Variants in CIT observed in about 807,000 individuals in gnomAD.
CIT encodes citron Rho-interacting kinase.
A neutral mutation model predicts 272.7 loss-of-function variants in CIT; 79 were observed. The observed-to-expected ratio is 0.29, with a 90% confidence interval of 0.24 to 0.35. The LOEUF is 0.35. Ranked by LOEUF, CIT falls within the 10% of genes least tolerant of loss-of-function variation. CIT has a pLI of 1.00. For synonymous variants in CIT, 948 were observed against 995.6 expected (o/e 0.95, Z 0.90); for missense variants, 1,909 against 2,618.3 (o/e 0.73, Z 5.91).
At chr12:119,775,501 C>T (rs1315512340) in intron 16 of CIT, among the ~76,000 whole-genome samples, 1 of 152,130 alleles carries the variant, frequency 6.6e-6, no homozygotes. Flanking sequence ...CCCCCTGAGG[C>T]GAGAGATGCA....
intron 4 of CIT, 75 bp downstream of exon 4, chr12:119,857,448 T>C (rs964984432): frequency 2.0e-6 from 3 of 1,469,828 alleles, no homozygotes; most frequent in Non-Finnish European, 2.8e-6. Context: ...TAGACGCCAG[T>C]GCAGCAGATT....
At chr12:119,843,872 G>T (rs1483367817) in intron 5 of CIT, among the ~76,000 whole-genome samples, 2 of 152,054 alleles carry the variant, frequency 1.3e-5, no homozygotes, top group South Asian at 2.1e-4. Flanking sequence ...AACTTCAAAG[G>T]TTTGTTGATG....
intron 5 of CIT, among the ~76,000 whole-genome samples, chr12:119,847,208 T>TCTCCTGAC: frequency 6.6e-6 from 1 of 152,260 alleles, no homozygotes; most frequent in Admixed American, 6.5e-5. Context: ...ATGGTCTCGA[T>TCTCCTGAC]CTCCTGACCT....
intron 3 of CIT, among the ~76,000 whole-genome samples, chr12:119,863,638 T>C (rs1234430906): frequency 1.3e-5 from 2 of 151,934 alleles, no homozygotes; most frequent in East Asian, 1.9e-4. Flanking sequence ...GCAATTCTCC[T>C]GCCTCAGCCT....
chr12:119,845,810 C>T (rs574412675), intron 5 of CIT, among the ~76,000 whole-genome samples: 5 of 151,594 alleles, frequency 3.3e-5, no homozygotes, highest in African/African-American at 1.2e-4. Context: ...ATGAGCCGGG[C>T]GTGGTGTCAC....
At chr12:119,853,063 G>C (rs903232064) in intron 4 of CIT, among the ~76,000 whole-genome samples, 1 of 151,822 alleles carries the variant, frequency 6.6e-6, no homozygotes, top group African/African-American at 2.4e-5. Flanking sequence ...CTATAAATTT[G>C]TGATTGTAAT....
intron 40 of CIT, 66 bp from the exon 41 acceptor site, chr12:119,704,521 G>A (rs1471910561): frequency 7.1e-7 from 1 of 1,400,622 alleles, no homozygotes; most frequent in Admixed American, 1.7e-5. Flanking sequence ...GGCAAAACTA[G>A]GAAAAGCTCT....
chr12:119,760,926 T>G lies in CIT; in HGVS notation c.2421+13A>C. 1 of 1,570,156 alleles carries G rather than the reference T, an allele frequency of 6.4e-7. No homozygotes were observed. The highest frequency in any genetic ancestry group is 8.8e-7 in the Non-Finnish European group (1 of 1,139,910). On this transcript the variant is annotated intron_variant, in intron 20 of 47. Transcript: ENST00000392521. ...CTCCTTTGAACACTGGCTTGGCAAC[T>G]CCTTCTACCTACCGCCTTCTGTTCG... is the stretch of plus-strand genomic sequence containing the variant.
chr12:119,834,724 C>G (rs889907216), intron 5 of CIT, among the ~76,000 whole-genome samples: 1 of 152,184 alleles, frequency 6.6e-6, no homozygotes, highest in Non-Finnish European at 1.5e-5. Flanking sequence ...GTGAAAATAT[C>G]CCCTTTGACC....
Position 119,784,798 on chromosome 12 carries a change from C to T in CIT, c.1401+162G>A. On this transcript the variant is annotated intron_variant, in intron 11 of 47. Coordinates refer to ENST00000392521, the MANE Select transcript of CIT (RefSeq NM_001206999.2). The surrounding 1 kb of genome is among the most constrained non-coding windows in gnomAD (Gnocchi z 4.7). ...GCAACAGCAAGGCCCGAATTCATCT[C>T]CCTCTGAGCTGCTGGAGGCGCGACT... is the stretch of plus-strand genomic sequence containing the variant. 1 of 1,439,698 alleles carries T rather than the reference C, an allele frequency of 6.9e-7. No homozygotes were observed. Among genetic ancestry groups the T allele is most frequent in the Non-Finnish European group, 9.1e-7 (1 of 1,098,812 alleles). The allele number at this position is 1,439,698 out of a possible 1,614,324, so 89.2% of individuals were successfully genotyped here.
At chr12:119,847,552 T>C (rs1049557870) in intron 5 of CIT, among the ~76,000 whole-genome samples, 4 of 147,788 alleles carry the variant, frequency 2.7e-5, no homozygotes, top group African/African-American at 1.0e-4. Context: ...TGAGATTGCA[T>C]GACTGTACTC....
chr12:119,706,388 G>A (rs532870250), intron 40 of CIT, among the ~76,000 whole-genome samples: 69 of 152,176 alleles, frequency 4.5e-4, no homozygotes, highest in Non-Finnish European at 7.9e-4. Flanking sequence ...CATCACCTGC[G>A]TATTAAGCCT....
At chr12:119,695,848 A>G (rs1451071762) in intron 46 of CIT, among the ~76,000 whole-genome samples, 1 of 152,196 alleles carries the variant, frequency 6.6e-6, no homozygotes, top group Non-Finnish European at 1.5e-5. Flanking sequence ...TACACTTTAA[A>G]TCATCTCTAG....
intron 26 of CIT, among the ~76,000 whole-genome samples, chr12:119,731,467 T>C (rs951231119): frequency 1.7e-5 from 2 of 116,640 alleles, no homozygotes; most frequent in Non-Finnish European, 3.4e-5. Context: ...AAAGCAAGAC[T>C]CCATTCTCAA....
chr12:119,768,557 A>C lies in CIT; in HGVS notation c.2209-1375T>G, dbSNP rs1050279295. Among the ~76,000 whole-genome samples the C allele has an allele frequency of 2.0e-5, 3 of 152,218 alleles. No homozygotes were observed. The highest frequency in any genetic ancestry group is 7.2e-5 in the African/African-American group (3 of 41,454). On this transcript the variant is annotated intron_variant, in intron 18 of 47. Transcript: ENST00000392521. The surrounding 1 kb of genome is among the most constrained non-coding windows in gnomAD (Gnocchi z 4.3). ...ACACACACTTAAAATGTTAGTGATT[A>C]AGCTTTTGATATTCTAAAGTCTCCA...
chr12:119,693,830 G>T (rs1158150410), intron 46 of CIT, among the ~76,000 whole-genome samples: 1 of 152,168 alleles, frequency 6.6e-6, no homozygotes, highest in Non-Finnish European at 1.5e-5. Context: ...CCAAGATCTT[G>T]GTATTTTGTA....
intron 5 of CIT, among the ~76,000 whole-genome samples, chr12:119,842,210 G>T (rs1384457725): frequency 6.6e-6 from 1 of 151,904 alleles, no homozygotes; most frequent in Non-Finnish European, 1.5e-5. Flanking sequence ...CCAATATGGT[G>T]AAACTCCGTC....
chr12:119,845,220 A>C (rs886701001), intron 5 of CIT, among the ~76,000 whole-genome samples: 9 of 152,172 alleles, frequency 5.9e-5, no homozygotes, highest in Non-Finnish European at 1.3e-4. Flanking sequence ...TGCCGATGCC[A>C]GTGGTGAGAT....
At chr12:119,729,680 G>A (rs774327853) in intron 27 of CIT, among the ~76,000 whole-genome samples, 7 of 152,102 alleles carry the variant, frequency 4.6e-5, no homozygotes, top group Non-Finnish European at 5.9e-5. Flanking sequence ...AAACAACAGC[G>A]ATGGGTGACC....
Sources: allele counts gnomAD v4.1 joint callset (sites outside exome capture counted in the v4.1 genomes callset), GRCh38; gene constraint gnomAD v4.1.1; non-coding constraint Gnocchi (gnomAD v3.1); transcripts MANE v1.5; gene names NCBI Gene and HGNC (gene_info 2026-07-23, HGNC 2026-07-21).